The following BMPR1B variants were observed in gnomAD, a reference collection of about 807,000 sequenced individuals.
BMPR1B encodes the protein bone morphogenetic protein receptor type 1B.
Under a neutral mutation model 59.1 loss-of-function variants are expected in BMPR1B, and 12 were observed. The observed-to-expected ratio is 0.20, with a 90% CI of 0.13 to 0.33. The LOEUF (loss-of-function observed/expected upper bound fraction) is 0.33. BMPR1B is among the 10% of genes least tolerant of loss of function. The pLI, the probability that BMPR1B is intolerant of heterozygous loss-of-function variation, is 1.00. For missense variants in BMPR1B, 550 were observed against 610.9 expected, an observed-to-expected ratio of 0.90 and a Z score of 1.05; for synonymous variants, 237 against 207.3, an observed-to-expected ratio of 1.14 and a Z score of -1.23.
intron 1 of BMPR1B, among the ~76,000 whole-genome samples, chr4:94,828,306 A>G (rs2110666048): frequency 6.6e-6 from 1 of 152,334 alleles, no homozygotes; most frequent in East Asian, 1.9e-4. Flanking sequence ...TCTGAAGTTG[A>G]GATGCTTTTA....
intron 2 of BMPR1B, among the ~76,000 whole-genome samples, chr4:94,954,246 C>T (rs944997279): frequency 3.9e-5 from 6 of 152,292 alleles, no homozygotes; most frequent in South Asian, 2.1e-4. Flanking sequence ...GAACAGTTCT[C>T]GCTCATTACT....
At chr4:95,110,824 T>C (rs1310533122) in intron 4 of BMPR1B, among the ~76,000 whole-genome samples, 2 of 152,200 alleles carry the variant, frequency 1.3e-5, no homozygotes, top group Non-Finnish European at 2.9e-5. Flanking sequence ...GCTTGATAAG[T>C]GTAAAACATA....
intron 3 of BMPR1B, among the ~76,000 whole-genome samples, chr4:95,033,515 C>A (rs1578963518): frequency 6.6e-6 from 1 of 152,064 alleles, no homozygotes; most frequent in South Asian, 2.1e-4. Flanking sequence ...AGGTGGATAT[C>A]CAGTTTTTCC....
intron 2 of BMPR1B, among the ~76,000 whole-genome samples, chr4:94,958,175 T>C (rs1476492552): frequency 2.0e-5 from 3 of 152,194 alleles, no homozygotes; most frequent in African/African-American, 7.2e-5. Flanking sequence ...AGCTCTAGCA[T>C]GTATCTGTGA....
At chr4:94,895,749 T>C (rs1245127807) in intron 2 of BMPR1B, among the ~76,000 whole-genome samples, 1 of 151,864 alleles carries the variant, frequency 6.6e-6, no homozygotes, top group African/African-American at 2.4e-5. Context: ...AACTCATGTT[T>C]CTTTTTGTTT....
intron 3 of BMPR1B, among the ~76,000 whole-genome samples, chr4:95,061,160 AACACACAC>A (rs58119571): frequency 0.098 from 13,983 of 142,494 alleles, 1,044 homozygotes; most frequent in East Asian, 0.39. Flanking sequence ...ATTTAGAATA[AACACACAC>A]ACACACACAC....
In BMPR1B at chr4:94,809,618, T is replaced by TCC. The variant is rs567642567; in HGVS notation, c.-183+51552_-183+51553dup. Among the ~76,000 whole-genome samples the TCC allele has an allele frequency of 1.6e-4, 24 of 152,338 alleles. No individual in the cohort carries two copies. In the South Asian group the frequency reaches 4.6e-3, roughly 29 times the overall value. On this transcript the variant is annotated intron_variant, in intron 1 of 12. Transcript: ENST00000515059. Reference sequence around the variant, plus strand: ...AGTGCTTTTTTCCTATTCACTTATCTCCCTCTTTCTTTTGTGTACATTGTA... The same window carrying TCC: ...AGTGCTTTTTTCCTATTCACTTATCTCCCCCTCTTTCTTTTGTGTACATTGTA...
chr4:94,791,938 C>A (rs184314142), intron 1 of BMPR1B, among the ~76,000 whole-genome samples: 18 of 151,010 alleles, frequency 1.2e-4, no homozygotes, highest in Admixed American at 9.3e-4. Flanking sequence ...GCTTTAAAAA[C>A]TTCTTTCTTC....
At chr4:94,881,571 T>G (rs1726974813) in intron 2 of BMPR1B, among the ~76,000 whole-genome samples, 1 of 152,080 alleles carries the variant, frequency 6.6e-6, no homozygotes, top group Admixed American at 6.5e-5. Flanking sequence ...GTTCAAGTGA[T>G]TCTCCTGCCT....
intron 12 of BMPR1B, among the ~76,000 whole-genome samples, chr4:95,153,986 G>A (rs1003291112): frequency 5.9e-5 from 9 of 152,174 alleles, no homozygotes; most frequent in Non-Finnish European, 1.2e-4. Flanking sequence ...GTTATTGTGG[G>A]CTTTTGGTGT....
intron 11 of BMPR1B, among the ~76,000 whole-genome samples, chr4:95,149,852 T>G (rs1579167067): frequency 6.6e-6 from 1 of 152,236 alleles, no homozygotes; most frequent in East Asian, 1.9e-4. Context: ...TATAAACTTT[T>G]CTTTGTTTCA....
intron 3 of BMPR1B, among the ~76,000 whole-genome samples, chr4:95,083,139 CAG>C (rs1348925811): frequency 1.3e-5 from 2 of 150,732 alleles, no homozygotes; most frequent in Non-Finnish European, 3.0e-5. Context: ...TAAGGTAACT[CAG>C]GGCATGCAGG....
intron 3 of BMPR1B, among the ~76,000 whole-genome samples, chr4:95,002,254 TATTA>T (rs1369801873): frequency 6.6e-6 from 1 of 152,216 alleles, no homozygotes; most frequent in East Asian, 1.9e-4. Context: ...TGTGTTCCTA[TATTA>T]ATTCACTTAG....
At chr4:94,792,401 G>A (rs1319277212) in intron 1 of BMPR1B, among the ~76,000 whole-genome samples, 1 of 151,798 alleles carries the variant, frequency 6.6e-6, no homozygotes, top group African/African-American at 2.4e-5. Context: ...GTCTCTAGTG[G>A]GCTCATGCCA....
intron 3 of BMPR1B, among the ~76,000 whole-genome samples, chr4:95,002,559 T>A (rs1722527167): frequency 6.6e-6 from 1 of 152,212 alleles, no homozygotes; most frequent in Non-Finnish European, 1.5e-5. Flanking sequence ...CCAAACTGCT[T>A]CCACAGTAGC....
intron 2 of BMPR1B, among the ~76,000 whole-genome samples, chr4:94,935,159 C>G (rs932832179): frequency 1.3e-5 from 2 of 152,024 alleles, no homozygotes; most frequent in African/African-American, 4.8e-5. Flanking sequence ...TTAAAGACAG[C>G]TTAAATATGC....
intron 3 of BMPR1B, among the ~76,000 whole-genome samples, chr4:95,055,520 G>A (rs1726855753): frequency 1.3e-5 from 2 of 152,152 alleles, no homozygotes; most frequent in South Asian, 2.1e-4. Context: ...TGTTTAAAAT[G>A]TTTTCTACTA....
intron 2 of BMPR1B, among the ~76,000 whole-genome samples, chr4:94,889,587 G>C (rs1202758812): frequency 6.6e-6 from 1 of 152,100 alleles, no homozygotes; most frequent in African/African-American, 2.4e-5. Flanking sequence ...GGGCTCATTA[G>C]TTCTGTGCCT....
intron 1 of BMPR1B, among the ~76,000 whole-genome samples, chr4:94,801,172 A>G (rs984319236): frequency 6.6e-5 from 10 of 152,156 alleles, no homozygotes; most frequent in Non-Finnish European, 1.2e-4. Context: ...CCCTTTGCAC[A>G]TAATAGTTCT....
Sources: allele counts gnomAD v4.1 joint callset (sites outside exome capture counted in the v4.1 genomes callset), GRCh38; gene constraint gnomAD v4.1.1; transcripts MANE v1.5; gene names NCBI Gene and HGNC (gene_info 2026-07-23, HGNC 2026-07-21).